UCK2: variants seen among roughly 807,000 people sequenced by gnomAD.
UCK2 encodes cytidine monophosphokinase 2.
In UCK2, 6 loss-of-function variants were observed where a neutral mutation model predicts 30.8. The observed-to-expected ratio is 0.19, with a 90% confidence interval of 0.11 to 0.38. The LOEUF is 0.38. Among genes scored for constraint, UCK2 ranks in the 10% least tolerant of loss-of-function variants. The pLI, the probability that UCK2 is intolerant of heterozygous loss-of-function variation, is 1.00. For missense variants in UCK2, 210 were observed against 339.8 expected, an observed-to-expected ratio of 0.62 and a Z score of 3.00; for synonymous variants, 125 against 133.6, an observed-to-expected ratio of 0.94 and a Z score of 0.45.
At chr1:165,837,194 T>A (rs892776299) in intron 1 of UCK2, among the ~76,000 whole-genome samples, 2 of 152,220 alleles carry the variant, frequency 1.3e-5, no homozygotes, top group African/African-American at 4.8e-5. Context: ...GAGGACACTT[T>A]CAAACCACAG....
intron 1 of UCK2, among the ~76,000 whole-genome samples, chr1:165,887,783 C>T (rs1055058677): frequency 2.6e-5 from 4 of 152,156 alleles, no homozygotes; most frequent in African/African-American, 9.6e-5. Flanking sequence ...CCCCCCCACC[C>T]ATCCATCTGT....
At chr1:165,864,625 G>A (rs539351166) in intron 1 of UCK2, among the ~76,000 whole-genome samples, 1 of 152,132 alleles carries the variant, frequency 6.6e-6, no homozygotes, top group Non-Finnish European at 1.5e-5. Context: ...ACATATATAA[G>A]TAAGGTTTTA....
intron 1 of UCK2, among the ~76,000 whole-genome samples, chr1:165,880,412 A>G (rs1417483288): frequency 6.6e-6 from 1 of 152,100 alleles, no homozygotes; most frequent in East Asian, 1.9e-4. Flanking sequence ...GTAAAAGGGG[A>G]AAGAAATAGA....
chr1:165,855,986 G>A lies in UCK2; in HGVS notation c.99+28054G>A, dbSNP rs558316285. Among the ~76,000 whole-genome samples, 160 of 152,234 alleles carry A rather than the reference G, an allele frequency of 1.1e-3. 2 individuals carry two copies. The Middle Eastern group carries it at 0.034, about 32-fold the overall frequency. On this transcript the variant is annotated intron_variant, in intron 1 of 6. Coordinates refer to ENST00000367879, the MANE Select transcript of UCK2 (RefSeq NM_012474.5). Reference sequence around the variant, plus strand: ...GGTCCAGCGGTTGGGAATCTGTGCTGTCTATAGCATCTGAGTGTTGTGAGA... The same window carrying A: ...GGTCCAGCGGTTGGGAATCTGTGCTATCTATAGCATCTGAGTGTTGTGAGA...
chr1:165,860,123 C>T (rs983665544), intron 1 of UCK2, among the ~76,000 whole-genome samples: 2 of 152,226 alleles, frequency 1.3e-5, no homozygotes, highest in South Asian at 4.1e-4. Flanking sequence ...ACCCTGTGCA[C>T]GCAGTTGCAC....
At position 165,899,446 on chromosome 1, in the gene UCK2, C is replaced by T. The variant is rs188674746; in HGVS notation, c.499+3114C>T. Among the ~76,000 whole-genome samples, 352 of 152,306 alleles carry T rather than the reference C, an allele frequency of 2.3e-3. 4 individuals are homozygous for T. The highest frequency in any genetic ancestry group is 2.8e-3 in the Non-Finnish European group (190 of 68,026). ...TTGGGGGATTCAGCCCATTCTTTTA[C>T]TATAGAGTAGCACATTTCCTCATCA... On this transcript the variant is annotated intron_variant, in intron 4 of 6. Coordinates refer to ENST00000367879, the MANE Select transcript of UCK2 (RefSeq NM_012474.5).
At position 165,909,451 on chromosome 1, in the gene UCK2, A is replaced by G. The variant is rs2101891681; in HGVS notation, c.*1628A>G. 1.3e-5 allele frequency: 2 copies of G among 152,348 alleles called. No individual in the cohort carries two copies. The highest frequency in any genetic ancestry group is 1.3e-4 in the Admixed American group (2 of 15,304). 9.4% of individuals were successfully genotyped at this position (152,348 alleles called of 1,614,324 possible). On this transcript the variant is annotated 3_prime_UTR_variant, in exon 7 of 7. Coordinates refer to ENST00000367879, the MANE Select transcript of UCK2 (RefSeq NM_012474.5). ...TTCAGGTAAATTGGTCTCCATTATTACCTGGTCACACCAGATTTTCCCCCA... is the reference window on the plus strand; with the variant it reads ...TTCAGGTAAATTGGTCTCCATTATTGCCTGGTCACACCAGATTTTCCCCCA...
chr1:165,854,728 C>T lies in UCK2; in HGVS notation c.99+26796C>T, dbSNP rs567510888. The stretch of plus-strand genomic sequence containing the variant: ...TATGTTTGTTCTGATTTTGTTCAGT[C>T]CTTTACGCTGAAGCAGCTCCCCCAC... On this transcript the variant is annotated intron_variant, in intron 1 of 6. Coordinates refer to ENST00000367879, the MANE Select transcript of UCK2 (RefSeq NM_012474.5). 7.9e-5 allele frequency among the ~76,000 whole-genome samples: 12 copies of T among 152,204 alleles called. No individual in the cohort carries two copies. In the East Asian group the frequency reaches 1.7e-3, roughly 22 times the overall value.
chr1:165,850,788 T>G (rs961504620), intron 1 of UCK2, among the ~76,000 whole-genome samples: 10 of 151,384 alleles, frequency 6.6e-5, no homozygotes, highest in Admixed American at 5.3e-4. Flanking sequence ...CCAGCTAATT[T>G]TTTTTTTGTA....
chr1:165,852,040 A>G (rs576978630), intron 1 of UCK2, among the ~76,000 whole-genome samples: 24 of 152,262 alleles, frequency 1.6e-4, no homozygotes, highest in African/African-American at 5.5e-4. Context: ...GCTGCAGTAA[A>G]CATATGTGTA....
chr1:165,895,532 A>C, intron 3 of UCK2: 1 of 985,422 alleles, frequency 1.0e-6, no homozygotes, highest in Non-Finnish European at 1.2e-6. Flanking sequence ...ATTGATAAGG[A>C]AGAGCAGCTC....
intron 1 of UCK2, among the ~76,000 whole-genome samples, chr1:165,841,384 A>G (rs1186314933): frequency 2.6e-5 from 4 of 151,974 alleles, no homozygotes; most frequent in African/African-American, 7.3e-5. Context: ...GGGTTTCACC[A>G]TGTTGGCTAG....
intron 6 of UCK2, among the ~76,000 whole-genome samples, chr1:165,907,287 C>G (rs917943359): frequency 6.6e-6 from 1 of 151,890 alleles, no homozygotes; most frequent in Non-Finnish European, 1.5e-5. Flanking sequence ...GATGCTCTGT[C>G]TTAGGATGGA....
At chr1:165,828,387 C>G (rs1251978893) in intron 1 of UCK2, among the ~76,000 whole-genome samples, 1 of 152,122 alleles carries the variant, frequency 6.6e-6, no homozygotes, top group Non-Finnish European at 1.5e-5. Context: ...GAGGGCGGAG[C>G]GAGCCGGGAA....
chr1:165,834,713 C>T (rs78489240), intron 1 of UCK2, among the ~76,000 whole-genome samples: 2,752 of 152,124 alleles, frequency 0.018, 80 homozygotes, highest in African/African-American at 0.061. Flanking sequence ...ACATGGGTTT[C>T]TTTCTTTCTT....
At chr1:165,830,668 T>C (rs2101845929) in intron 1 of UCK2, among the ~76,000 whole-genome samples, 1 of 152,336 alleles carries the variant, frequency 6.6e-6, no homozygotes, top group East Asian at 1.9e-4. Flanking sequence ...TGCCCAAGCT[T>C]GTTTGTACAT....
At chr1:165,870,833 T>C (rs1655178948) in intron 1 of UCK2, among the ~76,000 whole-genome samples, 2 of 152,254 alleles carry the variant, frequency 1.3e-5, no homozygotes, top group African/African-American at 4.8e-5. Flanking sequence ...AGTCTTTTTT[T>C]TCGAGAAGGA....
intron 1 of UCK2, among the ~76,000 whole-genome samples, chr1:165,838,140 C>T (rs1221552848): frequency 3.9e-5 from 6 of 152,238 alleles, no homozygotes; most frequent in African/African-American, 1.4e-4. Flanking sequence ...CACTTTTCCA[C>T]TCCTTTGCTT....
chr1:165,896,023 G>A (rs372297649), intron 3 of UCK2, 167 bp from the exon 4 acceptor site: 55 of 825,246 alleles, frequency 6.7e-5, no homozygotes, highest in South Asian at 4.8e-4. Context: ...CTTTGGTGGT[G>A]GTCCGAGGGC....
Sources: allele counts gnomAD v4.1 joint callset (sites outside exome capture counted in the v4.1 genomes callset), GRCh38; gene constraint gnomAD v4.1.1; transcripts MANE v1.5; gene names NCBI Gene and HGNC (gene_info 2026-07-23, HGNC 2026-07-21).